GFRA2: variants seen among roughly 807,000 people sequenced by gnomAD.
GFRA2 encodes GDNF family receptor alpha-2.
A neutral mutation model predicts 48.3 loss-of-function variants in GFRA2; 17 were observed. The observed-to-expected ratio is 0.35, with a 90% CI of 0.24 to 0.53. GFRA2 has a LOEUF of 0.53. Among genes scored for constraint, GFRA2 ranks in the 20% least tolerant of loss-of-function variants. The probability of loss-of-function intolerance (pLI) is 0.93; values close to 1 mark genes in which losing one functional copy is unlikely to be tolerated. For synonymous variants in GFRA2, 305 were observed against 257.2 expected, an observed-to-expected ratio of 1.19 and a Z score of -1.78; for missense variants, 660 against 637.3, an observed-to-expected ratio of 1.04 and a Z score of -0.38.
At chr8:21,705,803 A>G (rs973861723) in intron 5 of GFRA2, 129 bp downstream of exon 5, 39 of 631,550 alleles carry the variant, frequency 6.2e-5, no homozygotes, top group Non-Finnish European at 1.1e-4. Flanking sequence ...CAGCTCTCTG[A>G]ATCTGATGCA....
chr8:21,796,543 G>A (rs1807680926), intron 2 of GFRA2, among the ~76,000 whole-genome samples: 1 of 152,276 alleles, frequency 6.6e-6, no homozygotes, highest in Non-Finnish European at 1.5e-5. Context: ...GCTGTGGCCA[G>A]AAAACAGAAA....
chr8:21,758,179 G>A (rs1054180540), intron 3 of GFRA2, among the ~76,000 whole-genome samples: 1 of 148,344 alleles, frequency 6.7e-6, no homozygotes, highest in African/African-American at 2.6e-5. Context: ...CTTAGGGGAG[G>A]AGCAGGGCTG....
chr8:21,731,372 CA>C (rs1252143359), intron 4 of GFRA2, among the ~76,000 whole-genome samples: 1 of 152,182 alleles, frequency 6.6e-6, no homozygotes, highest in Non-Finnish European at 1.5e-5. Flanking sequence ...AGCAAAGAAA[CA>C]GAGGAATCTT....
intron 7 of GFRA2, among the ~76,000 whole-genome samples, chr8:21,702,399 A>AC (rs1382397991): frequency 2.0e-5 from 3 of 151,166 alleles, no homozygotes; most frequent in Non-Finnish European, 3.0e-5. Context: ...GGGACTTGAA[A>AC]CCCCGCCAGG....
At chr8:21,799,410 G>T (rs1443410205) in intron 2 of GFRA2, among the ~76,000 whole-genome samples, 5 of 151,986 alleles carry the variant, frequency 3.3e-5, no homozygotes, top group African/African-American at 1.2e-4. Context: ...AGTAGAGACG[G>T]GGTTTCACAT....
intron 4 of GFRA2, among the ~76,000 whole-genome samples, chr8:21,708,856 G>A (rs1264578830): frequency 6.6e-6 from 1 of 152,162 alleles, no homozygotes; most frequent in Non-Finnish European, 1.5e-5. Flanking sequence ...CAGACTTCAG[G>A]CCTCCAGAAC....
At chr8:21,699,812 TGGGGACACC>T (rs1271362552) in intron 7 of GFRA2, among the ~76,000 whole-genome samples, 4 of 152,170 alleles carry the variant, frequency 2.6e-5, no homozygotes, top group Non-Finnish European at 5.9e-5. Flanking sequence ...TCCAATGAAC[TGGGGACACC>T]GGGGTCTCTC....
intron 2 of GFRA2, among the ~76,000 whole-genome samples, chr8:21,802,876 C>T (rs1807796362): frequency 6.6e-6 from 1 of 152,120 alleles, no homozygotes; most frequent in African/African-American, 2.4e-5. Context: ...GGAGGTACTT[C>T]CATATACATA....
At chr8:21,746,889 C>T (rs1805033434) in intron 4 of GFRA2, among the ~76,000 whole-genome samples, 1 of 152,166 alleles carries the variant, frequency 6.6e-6, no homozygotes, top group African/African-American at 2.4e-5. Context: ...CTGCTCCAAA[C>T]TCCCCCATCT....
intron 2 of GFRA2, among the ~76,000 whole-genome samples, chr8:21,776,037 G>GTA (rs1554496517): frequency 0.026 from 3,696 of 139,840 alleles, 155 homozygotes; most frequent in African/African-American, 0.07. Context: ...GTGTGTGTGT[G>GTA]TGTAGTGAAA....
chr8:21,727,142 T>C (rs771463636), intron 4 of GFRA2, among the ~76,000 whole-genome samples: 1 of 152,188 alleles, frequency 6.6e-6, no homozygotes, highest in Admixed American at 6.5e-5. Context: ...ACACTCATCA[T>C]TCCCCTTCTG....
At chr8:21,753,820 C>G (rs193237135) in intron 3 of GFRA2, among the ~76,000 whole-genome samples, 1 of 152,180 alleles carries the variant, frequency 6.6e-6, no homozygotes, top group South Asian at 2.1e-4. Flanking sequence ...TTTCCATCAG[C>G]CAGCAAGGCT....
intron 2 of GFRA2, among the ~76,000 whole-genome samples, chr8:21,782,232 C>A (rs1348658109): frequency 6.6e-6 from 1 of 151,884 alleles, no homozygotes; most frequent in Non-Finnish European, 1.5e-5. Context: ...CACTTCACAC[C>A]GTCCTTGCTT....
intron 7 of GFRA2, among the ~76,000 whole-genome samples, chr8:21,701,823 T>C (rs1290092467): frequency 1.3e-5 from 2 of 151,926 alleles, no homozygotes; most frequent in African/African-American, 2.4e-5. Flanking sequence ...AGAAAAAGAA[T>C]TAAATGGGCC....
intron 4 of GFRA2, among the ~76,000 whole-genome samples, chr8:21,721,060 T>G (rs968097817): frequency 2.0e-5 from 3 of 151,264 alleles, no homozygotes; most frequent in African/African-American, 7.3e-5. Flanking sequence ...AGGGACTGAT[T>G]GATTGGGACT....
At chr8:21,767,856 A>G (rs1481579415) in intron 3 of GFRA2, among the ~76,000 whole-genome samples, 1 of 152,206 alleles carries the variant, frequency 6.6e-6, no homozygotes, top group African/African-American at 2.4e-5. Flanking sequence ...TCTTCCTTGG[A>G]CACAAAGGCA....
chr8:21,739,533 G>A (rs564513256), intron 4 of GFRA2, among the ~76,000 whole-genome samples: 1 of 152,264 alleles, frequency 6.6e-6, no homozygotes, highest in East Asian at 1.9e-4. Flanking sequence ...GAGATAACAG[G>A]GCTACCTGCA....
At chr8:21,702,053 C>A (rs1802508063) in intron 7 of GFRA2, among the ~76,000 whole-genome samples, 1 of 152,140 alleles carries the variant, frequency 6.6e-6, no homozygotes, top group Admixed American at 6.5e-5. Flanking sequence ...ATGGCACAGC[C>A]CCGACTGGCT....
chr8:21,705,763 C>T (rs1485733217), intron 5 of GFRA2, among the ~76,000 whole-genome samples, 169 bp downstream of exon 5: 2 of 152,216 alleles, frequency 1.3e-5, no homozygotes, highest in African/African-American at 4.8e-5. Context: ...CGCCTTGTTA[C>T]AAAACTGCCT....
Sources: allele counts gnomAD v4.1 joint callset (sites outside exome capture counted in the v4.1 genomes callset), GRCh38; gene constraint gnomAD v4.1.1; transcripts MANE v1.5; gene names NCBI Gene and HGNC (gene_info 2026-07-23, HGNC 2026-07-21).